The following JARID2 variants were observed in gnomAD, a reference collection of about 807,000 sequenced individuals.
JARID2 encodes the protein jumonji and AT-rich interaction domain containing 2.
In JARID2, 21 loss-of-function variants were observed where a neutral mutation model predicts 125.6. The observed-to-expected ratio is 0.17, with a 90% CI of 0.12 to 0.24. The LOEUF (loss-of-function observed/expected upper bound fraction) is 0.24, where lower values mean the gene tolerates loss of function less well. Ranked by LOEUF, JARID2 falls within the 10% of genes least tolerant of loss-of-function variation. The pLI, the probability that JARID2 is intolerant of heterozygous loss-of-function variation, is 1.00. For missense variants in JARID2, 1,303 were observed against 1,639.6 expected (o/e 0.79, Z 3.55); for synonymous variants, 736 against 661.6 (o/e 1.11, Z -1.73).
rs1481804496 is a variant in JARID2 at position 15,496,911 on chromosome 6, C to G, written c.1686C>G (p.Pro562=). ...AAMDEIPVLR[P]SAKEFHDPLI... ...TGGACGAGATCCCCGTCCTCAGGCC[C>G]TCCGCCAAGGAGTTCCACGATCCGC... The change falls in exon 7 of 18, where the codon CCC becomes CCG. Residue 562 remains proline (P), a synonymous_variant. Transcript: ENST00000341776. 3.7e-6 allele frequency: 6 copies of G among 1,601,876 alleles called. No homozygotes were observed. The highest frequency in any genetic ancestry group is 4.3e-6 in the Non-Finnish European group (5 of 1,171,804).
At chr6:15,322,927 A>G (rs1457756949) in intron 1 of JARID2, among the ~76,000 whole-genome samples, 2 of 152,258 alleles carry the variant, frequency 1.3e-5, no homozygotes, top group East Asian at 3.8e-4. Flanking sequence ...ACATAACAGC[A>G]TACTCTTAAA....
intron 3 of JARID2, among the ~76,000 whole-genome samples, chr6:15,422,755 T>TTG (rs1163302060): frequency 3.3e-5 from 5 of 152,174 alleles, no homozygotes; most frequent in African/African-American, 1.2e-4. Context: ...CTGACTGGTT[T>TTG]TGTGTGGGCT....
intron 1 of JARID2, among the ~76,000 whole-genome samples, chr6:15,314,172 C>T (rs1327437073): frequency 1.3e-5 from 2 of 152,216 alleles, no homozygotes; most frequent in East Asian, 3.8e-4. Flanking sequence ...TCTTGATCCA[C>T]TCTGCAGGTT....
intron 3 of JARID2, among the ~76,000 whole-genome samples, chr6:15,429,404 C>A (rs766374726): frequency 6.6e-6 from 1 of 151,828 alleles, no homozygotes; most frequent in Non-Finnish European, 1.5e-5. Flanking sequence ...TATCTGGGAC[C>A]ACAGGCACAT....
intron 4 of JARID2, among the ~76,000 whole-genome samples, chr6:15,457,308 G>A (rs1391800417): frequency 1.3e-5 from 2 of 152,102 alleles, no homozygotes; most frequent in Non-Finnish European, 2.9e-5. Flanking sequence ...GCCCTTTCAG[G>A]CAAAGTTGAC....
intron 6 of JARID2, among the ~76,000 whole-genome samples, chr6:15,492,297 T>C (rs1770188385): frequency 6.6e-6 from 1 of 152,252 alleles, no homozygotes; most frequent in African/African-American, 2.4e-5. Context: ...AGGGTCCTGC[T>C]GTAGCCCACG....
intron 1 of JARID2, among the ~76,000 whole-genome samples, chr6:15,284,210 C>G (rs961304163): frequency 6.6e-6 from 1 of 152,166 alleles, no homozygotes; most frequent in Non-Finnish European, 1.5e-5. Flanking sequence ...TGCACTCTCC[C>G]ATCACCCTAC....
intron 2 of JARID2, among the ~76,000 whole-genome samples, chr6:15,396,055 A>T (rs182612023): frequency 6.6e-6 from 1 of 152,152 alleles, no homozygotes; most frequent in African/African-American, 2.4e-5. Context: ...ACTTTATACT[A>T]TTGAGTAATG....
intron 1 of JARID2, among the ~76,000 whole-genome samples, chr6:15,363,052 A>C (rs1342869345): frequency 6.6e-6 from 1 of 152,170 alleles, no homozygotes; most frequent in Non-Finnish European, 1.5e-5. Flanking sequence ...ATTGGAGATA[A>C]GGGGACGGCA....
intron 3 of JARID2, among the ~76,000 whole-genome samples, chr6:15,421,111 G>A (rs1356920089): frequency 6.6e-6 from 1 of 151,994 alleles, no homozygotes; most frequent in East Asian, 1.9e-4. Flanking sequence ...TCTCAACCCC[G>A]GCTCTGCTTG....
At chr6:15,253,349 C>T (rs1053913143) in intron 1 of JARID2, among the ~76,000 whole-genome samples, 4 of 152,170 alleles carry the variant, frequency 2.6e-5, no homozygotes, top group African/African-American at 9.7e-5. Context: ...AGGCGTGAGC[C>T]ACCGTGCCTG....
intron 1 of JARID2, among the ~76,000 whole-genome samples, chr6:15,299,919 C>T (rs1346548077): frequency 1.3e-5 from 2 of 152,152 alleles, no homozygotes; most frequent in African/African-American, 2.4e-5. Context: ...AAATGGGGGT[C>T]CTGTCCGGCC....
intron 1 of JARID2, among the ~76,000 whole-genome samples, chr6:15,357,068 A>T (rs794788): frequency 6.6e-6 from 1 of 152,070 alleles, no homozygotes; most frequent in Non-Finnish European, 1.5e-5. Flanking sequence ...TTACTTGGCT[A>T]TGTGTTCTAA....
chr6:15,381,045 A>T (rs1334033575), intron 2 of JARID2, among the ~76,000 whole-genome samples: 1 of 151,520 alleles, frequency 6.6e-6, no homozygotes, highest in Non-Finnish European at 1.5e-5. Flanking sequence ...TATTATTATT[A>T]TTTTCTTCTG....
At chr6:15,436,051 C>A (rs1767187555) in intron 3 of JARID2, among the ~76,000 whole-genome samples, 2 of 152,106 alleles carry the variant, frequency 1.3e-5, no homozygotes, top group Non-Finnish European at 2.9e-5. Context: ...AGGGCTGCAA[C>A]CCCACAGCAG....
At chr6:15,407,312 T>A (rs923980430) in intron 2 of JARID2, among the ~76,000 whole-genome samples, 1 of 152,092 alleles carries the variant, frequency 6.6e-6, no homozygotes, top group East Asian at 1.9e-4. Flanking sequence ...CAAAGCAGCA[T>A]TAGTGTCACC....
At chr6:15,401,870 G>A (rs532011762) in intron 2 of JARID2, among the ~76,000 whole-genome samples, 7 of 149,756 alleles carry the variant, frequency 4.7e-5, no homozygotes, top group Admixed American at 4.7e-4. Context: ...GAGGCAGTAG[G>A]CCTTTCTGAA....
intron 3 of JARID2, among the ~76,000 whole-genome samples, chr6:15,428,579 G>A (rs1766830210): frequency 6.6e-6 from 1 of 152,106 alleles, no homozygotes; most frequent in South Asian, 2.1e-4. Flanking sequence ...CTTCATCCAT[G>A]TCCCTACAAA....
At chr6:15,327,199 T>G (rs1581416455) in intron 1 of JARID2, among the ~76,000 whole-genome samples, 1 of 152,280 alleles carries the variant, frequency 6.6e-6, no homozygotes, top group East Asian at 1.9e-4. Flanking sequence ...TTTTTAAAAA[T>G]TTGTTTTTTA....
Sources: allele counts gnomAD v4.1 joint callset (sites outside exome capture counted in the v4.1 genomes callset), GRCh38; gene constraint gnomAD v4.1.1; transcripts MANE v1.5; gene names NCBI Gene and HGNC (gene_info 2026-07-23, HGNC 2026-07-21).